The following AP1B1 variants were observed in gnomAD, a reference collection of about 807,000 sequenced individuals.
The protein encoded by AP1B1 is AP-1 complex subunit beta-1.
AP1B1 carries 36 observed loss-of-function variants against 104.3 expected under a neutral mutation model. The ratio of observed to expected loss-of-function variants is 0.35; its 90% CI spans 0.26 to 0.46. AP1B1 has a LOEUF of 0.46. Ranked by LOEUF, AP1B1 falls within the 20% of genes least tolerant of loss-of-function variation. The probability of loss-of-function intolerance (pLI) is 1.00; values close to 1 mark genes in which losing one functional copy is unlikely to be tolerated. For synonymous variants in AP1B1, 504 were observed against 517.5 expected (o/e 0.97, Z 0.35); for missense variants, 901 against 1,247.9 (o/e 0.72, Z 4.19).
intron 21 of AP1B1, 102 bp downstream of exon 21, chr22:29,330,276 G>C: frequency 6.4e-7 from 1 of 1,561,844 alleles, no homozygotes; most frequent in Non-Finnish European, 8.7e-7. Context: ...GTTCAAGCCA[G>C]GCTTGAAGGG....
rs771740833 is a variant in AP1B1, at chr22:29,340,863, G to A, written c.1797-6C>T. On this transcript the variant is annotated splice_polypyrimidine_tract_variant and splice_region_variant and intron_variant, in intron 13 of 22. Transcript: ENST00000357586. ...GGCTCTCTGCGCTCTCACTCCTGCCGGGACACAGAAGTAGGGTGGAGGCAT... is the reference window on the plus strand; with the variant it reads ...GGCTCTCTGCGCTCTCACTCCTGCCAGGACACAGAAGTAGGGTGGAGGCAT... 1.5e-5 allele frequency: 24 copies of A among 1,586,942 alleles called. No individual in the cohort carries two copies. The highest frequency in any genetic ancestry group is 8.0e-5 in the African/African-American group (6 of 74,718).
chr22:29,345,770 C>T lies in AP1B1; in HGVS notation c.1438-3387G>A, dbSNP rs1000870791. On this transcript the variant is annotated intron_variant, in intron 11 of 22. Transcript: ENST00000357586. Reference sequence around the variant, plus strand: ...TGCGATCTCGGCTTACCGCAACCTCCGCCTCCCGTGTTCAAGCGATTCTCC... The same window carrying T: ...TGCGATCTCGGCTTACCGCAACCTCTGCCTCCCGTGTTCAAGCGATTCTCC... 3.3e-5 allele frequency among the ~76,000 whole-genome samples: 5 copies of T among 152,124 alleles called. No homozygotes were observed. In the East Asian group the frequency reaches 5.8e-4, roughly 18 times the overall value.
chr22:29,375,327 G>A (rs553978344), intron 1 of AP1B1, among the ~76,000 whole-genome samples: 2 of 130,258 alleles, frequency 1.5e-5, no homozygotes, highest in South Asian at 2.7e-4. Flanking sequence ...TCCAGCCTGC[G>A]TGACAGAGTG....
At position 29,388,415 on chromosome 22, in the gene AP1B1, CT is replaced by C. The variant is rs1207482907; in HGVS notation, c.-28+8del. On this transcript the variant is annotated splice_region_variant and intron_variant, in intron 1 of 22. Transcript: ENST00000357586. ...TTCTCCTGGCTCGCCCGGGTCCCCG[CT>C]TCCTCACCCGCAGGTCCCAATAGCT... 1 of 152,656 alleles carries C rather than the reference CT, an allele frequency of 6.6e-6. No individual in the cohort carries two copies. The highest frequency in any genetic ancestry group is 1.5e-5 in the Non-Finnish European group (1 of 68,408). 9.5% of individuals were successfully genotyped at this position (152,656 alleles called of 1,614,324 possible).
At chr22:29,350,676 G>A (rs2061860510) in intron 9 of AP1B1, among the ~76,000 whole-genome samples, 2 of 152,244 alleles carry the variant, frequency 1.3e-5, no homozygotes, top group African/African-American at 2.4e-5. Context: ...GCCACCAGTG[G>A]ACCCATTTAA....
At chr22:29,361,695 T>C (rs1033170465) in intron 3 of AP1B1, among the ~76,000 whole-genome samples, 3 of 152,082 alleles carry the variant, frequency 2.0e-5, no homozygotes, top group Non-Finnish European at 4.4e-5. Flanking sequence ...AGAGAACAGT[T>C]TCCATTTAGT....
At chr22:29,329,030 G>T (rs554548378) in intron 22 of AP1B1, 135 bp from the exon 23 acceptor site, 56 of 1,469,318 alleles carry the variant, frequency 3.8e-5, no homozygotes, top group Non-Finnish European at 4.6e-5. Context: ...GCTGCGCCTG[G>T]CACAGATGTG....
chr22:29,350,030 C>T lies in AP1B1; in HGVS notation c.1271+5G>A, dbSNP rs2061850139. On this transcript the variant is annotated splice_donor_5th_base_variant and intron_variant, in intron 10 of 22. Transcript: ENST00000357586. ...TGCCCTCTCCCTAGGAGGGCGGGCACGCACTTGTTGGGGTACTTGCGGAAG... is the reference window on the plus strand; with the variant it reads ...TGCCCTCTCCCTAGGAGGGCGGGCATGCACTTGTTGGGGTACTTGCGGAAG... 2.5e-6 allele frequency: 4 copies of T among 1,612,180 alleles called. No homozygotes were observed. The highest frequency in any genetic ancestry group is 2.5e-6 in the Non-Finnish European group (3 of 1,178,204).
chr22:29,352,422 C>T (rs901341553), intron 7 of AP1B1, among the ~76,000 whole-genome samples: 1 of 152,182 alleles, frequency 6.6e-6, no homozygotes, highest in African/African-American at 2.4e-5. Context: ...GTGCCGAAGT[C>T]TCAAATAGGC....
intron 3 of AP1B1, among the ~76,000 whole-genome samples, chr22:29,362,607 A>G (rs2062068542): frequency 6.6e-6 from 1 of 152,118 alleles, no homozygotes. Flanking sequence ...GGCCTCCCCA[A>G]GTGCTAGGAT....
chr22:29,388,077 G>A (rs1369399312), intron 1 of AP1B1, among the ~76,000 whole-genome samples: 1 of 152,200 alleles, frequency 6.6e-6, no homozygotes, highest in Non-Finnish European at 1.5e-5. Flanking sequence ...CAACGAGGAG[G>A]CCTCAGGATG....
At chr22:29,329,802 C>T in intron 21 of AP1B1, 82 bp from the exon 22 acceptor site, 6 of 1,593,272 alleles carry the variant, frequency 3.8e-6, no homozygotes, top group South Asian at 2.3e-5. Flanking sequence ...CGAAGCCACG[C>T]CACAGCCCCC....
rs2061502773 is a variant in AP1B1, at chr22:29,327,900, G to C, written c.*921C>G. The C allele has an allele frequency of 1.3e-5, 2 of 152,546 alleles. No individual in the cohort carries two copies. Among genetic ancestry groups the C allele is most frequent in the South Asian group, 4.1e-4 (2 of 4,826 alleles). 9.4% of individuals were successfully genotyped at this position (152,546 alleles called of 1,614,324 possible). On this transcript the variant is annotated 3_prime_UTR_variant, in exon 23 of 23. Coordinates refer to ENST00000357586, the MANE Select transcript of AP1B1 (RefSeq NM_001127.4). Reference sequence around the variant, plus strand: ...TCTTTATTATTACACAGCAGTAACAGGAAAACCTAATGCTCTGTCAGACAC... The same window carrying C: ...TCTTTATTATTACACAGCAGTAACACGAAAACCTAATGCTCTGTCAGACAC...
At chr22:29,341,198 A>AT (rs1312448721) in intron 13 of AP1B1, among the ~76,000 whole-genome samples, 1 of 152,254 alleles carries the variant, frequency 6.6e-6, no homozygotes, top group Non-Finnish European at 1.5e-5. Context: ...GGGATCTGGA[A>AT]TGAGACAGAA....
intron 7 of AP1B1, among the ~76,000 whole-genome samples, chr22:29,353,450 T>C (rs1192518080): frequency 2.0e-5 from 3 of 152,134 alleles, no homozygotes. Context: ...ATTTACTATG[T>C]TAAATATAGC....
intron 6 of AP1B1, among the ~76,000 whole-genome samples, chr22:29,356,111 A>G (rs2061953423): frequency 6.6e-6 from 1 of 152,216 alleles, no homozygotes; most frequent in African/African-American, 2.4e-5. Context: ...AGAGCCCCAG[A>G]CACCCAGTGA....
intron 2 of AP1B1, among the ~76,000 whole-genome samples, chr22:29,364,538 C>T (rs1398722231): frequency 6.6e-6 from 1 of 151,746 alleles, no homozygotes; most frequent in Non-Finnish European, 1.5e-5. Context: ...CCTGCCTCAG[C>T]ATACCGGGTA....
At chr22:29,343,777 T>G (rs2061748150) in intron 11 of AP1B1, among the ~76,000 whole-genome samples, 1 of 152,142 alleles carries the variant, frequency 6.6e-6, no homozygotes, top group South Asian at 2.1e-4. Context: ...AAACAGTCAT[T>G]ACACCTCACA....
chr22:29,352,136 C>T (rs1435503615), intron 7 of AP1B1, among the ~76,000 whole-genome samples: 1 of 152,266 alleles, frequency 6.6e-6, no homozygotes, highest in East Asian at 1.9e-4. Flanking sequence ...ATATCTCAGT[C>T]CCAGTCCCAG....
Sources: allele counts gnomAD v4.1 joint callset (sites outside exome capture counted in the v4.1 genomes callset), GRCh38; gene constraint gnomAD v4.1.1; transcripts MANE v1.5; gene names NCBI Gene and HGNC (gene_info 2026-07-23, HGNC 2026-07-21).